The following FGF12 variants were observed in gnomAD, a reference collection of about 807,000 sequenced individuals.
FGF12 encodes the protein fibroblast growth factor 12B.
A neutral mutation model predicts 23.6 loss-of-function variants in FGF12; 14 were observed. The observed-to-expected ratio is 0.59, with a 90% CI of 0.39 to 0.93. FGF12 has a LOEUF of 0.93. FGF12 is among the 40% of genes least tolerant of loss of function. The pLI, the probability that FGF12 is intolerant of heterozygous loss-of-function variation, is 0.00. For missense variants in FGF12, 175 were observed against 217.8 expected, an observed-to-expected ratio of 0.80 and a Z score of 1.24; for synonymous variants, 62 against 77.3, an observed-to-expected ratio of 0.80 and a Z score of 1.04.
chr3:192,431,915 C>T (rs1163495237), intron 2 of FGF12, among the ~76,000 whole-genome samples: 1 of 152,174 alleles, frequency 6.6e-6, no homozygotes, highest in African/African-American at 2.4e-5. Context: ...GTACCCCAAG[C>T]ACAGCACACA....
At chr3:192,510,562 A>G (rs747929475) in intron 2 of FGF12, among the ~76,000 whole-genome samples, 1 of 152,218 alleles carries the variant, frequency 6.6e-6, no homozygotes, top group Non-Finnish European at 1.5e-5. Context: ...ACAGTTTGAC[A>G]CTGTCTTACC....
chr3:192,332,806 T>C (rs1334749775), intron 4 of FGF12, among the ~76,000 whole-genome samples: 5 of 152,108 alleles, frequency 3.3e-5, no homozygotes, highest in African/African-American at 4.8e-5. Flanking sequence ...ATGACCCTTA[T>C]TGGTTGCCCA....
intron 2 of FGF12, among the ~76,000 whole-genome samples, chr3:192,666,917 T>A (rs1186837186): frequency 6.8e-6 from 1 of 147,520 alleles, no homozygotes; most frequent in African/African-American, 2.6e-5. Flanking sequence ...GATAGATAGA[T>A]GATAGATAGA....
At chr3:192,237,093 G>A (rs1719341085) in intron 4 of FGF12, among the ~76,000 whole-genome samples, 1 of 152,120 alleles carries the variant, frequency 6.6e-6, no homozygotes, top group South Asian at 2.1e-4. Context: ...CATTTAAGAA[G>A]TTTGGTTTGT....
intron 3 of FGF12, among the ~76,000 whole-genome samples, chr3:192,346,527 C>A (rs1717970498): frequency 6.6e-6 from 1 of 152,210 alleles, no homozygotes; most frequent in African/African-American, 2.4e-5. Context: ...CCAGTGACAC[C>A]TTTTGTTTTA....
intron 2 of FGF12, among the ~76,000 whole-genome samples, chr3:192,466,276 G>A (rs958287580): frequency 1.4e-4 from 22 of 152,212 alleles, no homozygotes; most frequent in African/African-American, 4.8e-4. Flanking sequence ...CTTGTTGACT[G>A]TAATGCTGTT....
intron 4 of FGF12, among the ~76,000 whole-genome samples, chr3:192,171,669 G>A (rs1469123280): frequency 1.3e-5 from 2 of 152,162 alleles, no homozygotes; most frequent in Non-Finnish European, 2.9e-5. Flanking sequence ...TTAAACAGGA[G>A]TCCTACATGT....
At chr3:192,629,727 T>C (rs1192815453) in intron 2 of FGF12, among the ~76,000 whole-genome samples, 1 of 152,206 alleles carries the variant, frequency 6.6e-6, no homozygotes, top group African/African-American at 2.4e-5. Context: ...GAGAAAATAC[T>C]ACAAACAGAA....
intron 4 of FGF12, among the ~76,000 whole-genome samples, chr3:192,259,299 T>C (rs1408908926): frequency 6.6e-6 from 1 of 152,170 alleles, no homozygotes; most frequent in Admixed American, 6.6e-5. Context: ...AGAGTTGTAT[T>C]GGAATTTTAA....
At chr3:192,686,702 G>A (rs1027425096) in intron 2 of FGF12, among the ~76,000 whole-genome samples, 1 of 151,174 alleles carries the variant, frequency 6.6e-6, no homozygotes, top group African/African-American at 2.4e-5. Flanking sequence ...AGGGATGGAG[G>A]TATATGAGGG....
chr3:192,342,206 G>A (rs1405846283), intron 3 of FGF12, among the ~76,000 whole-genome samples: 1 of 152,112 alleles, frequency 6.6e-6, no homozygotes, highest in Non-Finnish European at 1.5e-5. Flanking sequence ...AATGAATTAG[G>A]AGTAGTTTCT....
At chr3:192,596,909 T>C (rs1341299060) in intron 2 of FGF12, among the ~76,000 whole-genome samples, 2 of 152,140 alleles carry the variant, frequency 1.3e-5, no homozygotes, top group Middle Eastern at 3.2e-3. Flanking sequence ...AAGAGGAAGA[T>C]AGTGTGTAGA....
At chr3:192,313,107 A>G (rs1245475477) in intron 4 of FGF12, among the ~76,000 whole-genome samples, 1 of 152,168 alleles carries the variant, frequency 6.6e-6, no homozygotes, top group Non-Finnish European at 1.5e-5. Flanking sequence ...ATTATTCTCT[A>G]TTACAGAAAT....
intron 5 of FGF12, among the ~76,000 whole-genome samples, chr3:192,164,957 T>G (rs1715079898): frequency 6.6e-6 from 1 of 152,150 alleles, no homozygotes; most frequent in African/African-American, 2.4e-5. Context: ...TATTTATTTA[T>G]TCACTTATTT....
chr3:192,379,119 T>C (rs1036615053), intron 2 of FGF12, among the ~76,000 whole-genome samples: 14 of 152,176 alleles, frequency 9.2e-5, no homozygotes, highest in African/African-American at 2.9e-4. Flanking sequence ...TATTCCATGG[T>C]GTATATGTAC....
chr3:192,267,698 C>T lies in FGF12; in HGVS notation c.228+67663G>A, dbSNP rs977966522. Among the ~76,000 whole-genome samples, 6 of 152,052 alleles carry T rather than the reference C, an allele frequency of 3.9e-5. No homozygotes were observed. In the East Asian group the frequency reaches 1.2e-3, roughly 29 times the overall value. ...AACATTTGATTAAAACCATGGATTT[C>T]CCTTCCTGAAAATATTCATATGCAC... On this transcript the variant is annotated intron_variant, in intron 4 of 5. Transcript: ENST00000445105.
At chr3:192,527,395 G>T (rs561438479) in intron 2 of FGF12, among the ~76,000 whole-genome samples, 7 of 152,294 alleles carry the variant, frequency 4.6e-5, no homozygotes, top group African/African-American at 1.7e-4. Flanking sequence ...GGGAGAAGAG[G>T]TTCATAGTAT....
At chr3:192,602,587 T>C (rs180869442) in intron 2 of FGF12, among the ~76,000 whole-genome samples, 1 of 152,204 alleles carries the variant, frequency 6.6e-6, no homozygotes, top group Admixed American at 6.5e-5. Flanking sequence ...ACAGTGTGTA[T>C]GCAACTGTTT....
rs567211141 is a variant in FGF12 at position 192,514,673 on chromosome 3, G to C, written c.14-154135C>G. 18 of 984,720 alleles carry C rather than the reference G, an allele frequency of 1.8e-5. No individual in the cohort carries two copies. Among genetic ancestry groups the C allele is most frequent in the Non-Finnish European group, 2.0e-5 (17 of 829,312 alleles). 61.0% of individuals were successfully genotyped at this position (984,720 alleles called of 1,614,324 possible). A position where few individuals can be genotyped will look rare whatever the true frequency, so the allele number is the denominator to read the frequency against. On this transcript the variant is annotated intron_variant, in intron 2 of 5. Coordinates refer to ENST00000445105, the MANE Select transcript of FGF12 (RefSeq NM_004113.6). This position sits in a 1 kb window ranked among gnomAD's most constrained non-coding sequence, Gnocchi z 4.9. ...GGAAAGAACATTTTCTCACCACTTG[G>C]GCTGTCGCTGGACCTCAGGCTCCTT...
Sources: allele counts gnomAD v4.1 joint callset (sites outside exome capture counted in the v4.1 genomes callset), GRCh38; gene constraint gnomAD v4.1.1; non-coding constraint Gnocchi (gnomAD v3.1); transcripts MANE v1.5; gene names NCBI Gene and HGNC (gene_info 2026-07-23, HGNC 2026-07-21).